The following TMF1 variants were observed in gnomAD, a reference collection of about 807,000 sequenced individuals.
TMF1 encodes the protein TATA element modulatory factor.
Under a neutral mutation model 126.5 loss-of-function variants are expected in TMF1, and 71 were observed. That is an observed-to-expected ratio of 0.56 (90% CI 0.46 to 0.68). The LOEUF (loss-of-function observed/expected upper bound fraction) is 0.68, where lower values mean the gene tolerates loss of function less well. Among genes scored for constraint, TMF1 ranks in the 30% least tolerant of loss-of-function variants. TMF1 has a pLI of 0.00. For missense variants in TMF1, 1,259 were observed against 1,253.2 expected (o/e 1.00, Z -0.07); for synonymous variants, 461 against 430.5 (o/e 1.07, Z -0.88).
chr3:69,024,217 C>A, intron 15 of TMF1, 37 bp from the exon 16 acceptor site: 6 of 1,499,028 alleles, frequency 4.0e-6, no homozygotes, highest in Non-Finnish European at 3.6e-6. Context: ...TAAATCAAAA[C>A]ATATCTTTTT....
At chr3:69,040,263 G>A (rs2091856137) in intron 5 of TMF1, 1 of 152,476 alleles carries the variant, frequency 6.6e-6, no homozygotes, top group Non-Finnish European at 1.5e-5. Flanking sequence ...GGCAAACTTT[G>A]GATCCTGGGG....
Position 69,020,893 on chromosome 3 carries a change from C to G in TMF1, c.*2284G>C, listed in dbSNP as rs2107450258. 1 of 152,232 alleles carries G rather than the reference C, an allele frequency of 6.6e-6. No homozygotes were observed. The highest frequency in any genetic ancestry group is 1.9e-4 in the East Asian group (1 of 5,186). The allele number at this position is 152,232 out of a possible 1,614,324, so 9.4% of individuals were successfully genotyped here. ...AATGAGTTTTATTGCAATCTTTTCTCTGCAAATGAAGTTTTTTTCTACTAG... is the reference window on the plus strand; with the variant it reads ...AATGAGTTTTATTGCAATCTTTTCTGTGCAAATGAAGTTTTTTTCTACTAG... On this transcript the variant is annotated 3_prime_UTR_variant, in exon 17 of 17. Coordinates refer to ENST00000398559, the MANE Select transcript of TMF1 (RefSeq NM_007114.3).
intron 7 of TMF1, 24 bp downstream of exon 7, chr3:69,038,819 T>C (rs747176028): frequency 6.3e-7 from 1 of 1,582,518 alleles, no homozygotes; most frequent in South Asian, 1.2e-5. Context: ...TCTAAATGGG[T>C]TGCATATTTG....
intron 4 of TMF1, 74 bp downstream of exon 4, chr3:69,043,676 A>C: frequency 3.8e-6 from 5 of 1,308,724 alleles, no homozygotes; most frequent in Non-Finnish European, 5.2e-6. Flanking sequence ...CCAATATCAA[A>C]ATACGATGAA....
At chr3:69,031,132 A>C (rs1044597501) in intron 10 of TMF1, among the ~76,000 whole-genome samples, 4 of 152,218 alleles carry the variant, frequency 2.6e-5, no homozygotes, top group African/African-American at 9.6e-5. Context: ...GAGTGAAAAA[A>C]GCCAAACCCA....
chr3:69,046,921 C>T (rs1318204925), intron 2 of TMF1, among the ~76,000 whole-genome samples: 2 of 152,078 alleles, frequency 1.3e-5, no homozygotes, highest in Non-Finnish European at 2.9e-5. Flanking sequence ...TTAATATTTG[C>T]TACAAATAAT....
chr3:69,030,334 A>G, intron 10 of TMF1: 1 of 191,560 alleles, frequency 5.2e-6, no homozygotes, highest in Non-Finnish European at 1.1e-5. Flanking sequence ...ATCATTCACG[A>G]AAATTAACTC....
intron 8 of TMF1, 67 bp downstream of exon 8, chr3:69,038,496 AT>A: frequency 6.6e-7 from 1 of 1,515,532 alleles, no homozygotes; most frequent in African/African-American, 1.4e-5. Context: ...AAACCAGCTA[AT>A]TGTTTAATTT....
intron 2 of TMF1, among the ~76,000 whole-genome samples, chr3:69,046,357 T>A (rs191745417): frequency 6.6e-5 from 10 of 152,278 alleles, no homozygotes; most frequent in Admixed American, 6.5e-4. Flanking sequence ...CCTTCTTAAA[T>A]ACACTGAAAT....
chr3:69,042,033 T>A (rs2091868010), intron 5 of TMF1, among the ~76,000 whole-genome samples: 1 of 152,046 alleles, frequency 6.6e-6, no homozygotes, highest in South Asian at 2.1e-4. Flanking sequence ...CTATTAATTT[T>A]ATTTTATTTA....
chr3:69,046,050 T>C (rs1209647254), intron 2 of TMF1, among the ~76,000 whole-genome samples: 1 of 151,948 alleles, frequency 6.6e-6, no homozygotes, highest in African/African-American at 2.4e-5. Context: ...AGAGAGACCC[T>C]GTGAGCCGCG....
chr3:69,032,167 C>A (rs2091806715), intron 10 of TMF1, among the ~76,000 whole-genome samples: 1 of 152,076 alleles, frequency 6.6e-6, no homozygotes, highest in Non-Finnish European at 1.5e-5. Flanking sequence ...AGAAGCCCAG[C>A]CTCTTATTTA....
chr3:69,033,352 T>G (rs1449020580), intron 10 of TMF1, among the ~76,000 whole-genome samples, 196 bp downstream of exon 10: 1 of 149,702 alleles, frequency 6.7e-6, no homozygotes, highest in Non-Finnish European at 1.5e-5. Flanking sequence ...CATTGTGTAA[T>G]GGGAAAAAAT....
rs989769297 is a variant in TMF1, at chr3:69,029,763, G to C, written c.2594+52C>G. The C allele has an allele frequency of 2.6e-6, 4 of 1,511,770 alleles. No homozygotes were observed. The African/African-American group carries it at 5.6e-5, about 21-fold the overall frequency. 93.6% of individuals were successfully genotyped at this position (1,511,770 alleles called of 1,614,324 possible). A position where few individuals can be genotyped will look rare whatever the true frequency, so the allele number is the denominator to read the frequency against. ...GCCCAACAACATACTTTTAAAAAGT[G>C]CTTTAGGATGTCACGGAACTACCAA... On this transcript the variant is annotated intron_variant, in intron 11 of 16. Coordinates refer to ENST00000398559, the MANE Select transcript of TMF1 (RefSeq NM_007114.3).
At chr3:69,031,341 A>G (rs1339261843) in intron 10 of TMF1, among the ~76,000 whole-genome samples, 1 of 152,192 alleles carries the variant, frequency 6.6e-6, no homozygotes, top group Non-Finnish European at 1.5e-5. Flanking sequence ...GCTAACAGGA[A>G]GGACTCAATA....
rs1167500102 is a variant in TMF1, at chr3:69,025,992, T to C, written c.2859+4A>G. ...CTAAGCACATATAAAAAATAAAACA[T>C]CACCTGAGACAGAAAAGATGTCTGT... On this transcript the variant is annotated splice_donor_region_variant and intron_variant, in intron 14 of 16. Coordinates refer to ENST00000398559, the MANE Select transcript of TMF1 (RefSeq NM_007114.3). 1 of 1,600,342 alleles carries C rather than the reference T, an allele frequency of 6.2e-7. No homozygotes were observed. Among genetic ancestry groups the C allele is most frequent in the African/African-American group, 1.3e-5 (1 of 74,238 alleles).
rs1236767359 is a variant in TMF1, at chr3:69,020,614, T to C, written c.*2563A>G. On this transcript the variant is annotated 3_prime_UTR_variant, in exon 17 of 17. Transcript: ENST00000398559. ...TGTTTTAATGACAAACAGCAAAGTA[T>C]AGCAACGAATATTCAATAGGTATTC... is the stretch of plus-strand genomic sequence containing the variant. 4 of 152,176 alleles carry C rather than the reference T, an allele frequency of 2.6e-5. No individual in the cohort carries two copies. The highest frequency in any genetic ancestry group is 7.2e-5 in the African/African-American group (3 of 41,442). 9.4% of individuals were successfully genotyped at this position (152,176 alleles called of 1,614,324 possible).
Position 69,029,824 on chromosome 3 carries a change from T to C in TMF1, c.2585A>G (p.Glu862Gly). The change falls in exon 11 of 17, where the codon GAG becomes GGG. Residue 862 changes from glutamate to glycine, a missense_variant. Coordinates refer to ENST00000398559, the MANE Select transcript of TMF1 (RefSeq NM_007114.3). ...EKNRLCKLED[E>G]NNRYQVELEN... ...CAGAAACCATGCTCACCTATTGTTC[T>C]CATCCTCCAGTTTACACAGCCTATT... The C allele has an allele frequency of 6.2e-7, 1 of 1,609,896 alleles. No homozygotes were observed. The highest frequency in any genetic ancestry group is 8.5e-7 in the Non-Finnish European group (1 of 1,178,258).
intron 16 of TMF1, 28 bp from the exon 17 acceptor site, chr3:69,023,348 T>G: frequency 6.4e-7 from 1 of 1,561,240 alleles, no homozygotes; most frequent in Non-Finnish European, 8.8e-7. Context: ...TTACAATTTT[T>G]AAAATAACTA....
Sources: allele counts gnomAD v4.1 joint callset (sites outside exome capture counted in the v4.1 genomes callset), GRCh38; gene constraint gnomAD v4.1.1; transcripts MANE v1.5; gene names NCBI Gene and HGNC (gene_info 2026-07-23, HGNC 2026-07-21).